Variants in PTPRD observed in about 807,000 individuals in gnomAD.
PTPRD encodes protein tyrosine phosphatase receptor type D.
A neutral mutation model predicts 214.5 loss-of-function variants in PTPRD; 34 were observed. The ratio of observed to expected loss-of-function variants is 0.16; its 90% confidence interval spans 0.12 to 0.21. The LOEUF is 0.21. Ranked by LOEUF, PTPRD falls within the 10% of genes least tolerant of loss-of-function variation. PTPRD has a pLI of 1.00. For missense variants in PTPRD, 2,545 were observed against 2,398.7 expected (o/e 1.06, Z -1.27); for synonymous variants, 1,128 against 845.7 (o/e 1.33, Z -5.79).
At chr9:8,493,991 CACACACAGACACACAG>C (rs573717068) in intron 26 of PTPRD, among the ~76,000 whole-genome samples, 171 of 149,590 alleles carry the variant, frequency 1.1e-3, no homozygotes, top group African/African-American at 4.2e-3. Flanking sequence ...CACACACAGA[CACACACAGACACACAG>C]ACACACACAC....
At chr9:9,802,112 T>C (rs1598269628) in intron 5 of PTPRD, among the ~76,000 whole-genome samples, 1 of 152,050 alleles carries the variant, frequency 6.6e-6, no homozygotes, top group African/African-American at 2.4e-5. Context: ...TATTAGAATA[T>C]TGTGTTTCAT....
intron 9 of PTPRD, among the ~76,000 whole-genome samples, chr9:9,350,313 G>T (rs2050625049): frequency 6.6e-6 from 1 of 152,062 alleles, no homozygotes; most frequent in Non-Finnish European, 1.5e-5. Context: ...TCTTATAGGT[G>T]CAGAGGTATG....
intron 2 of PTPRD, among the ~76,000 whole-genome samples, chr9:10,386,273 C>A (rs1242049941): frequency 6.6e-6 from 1 of 151,874 alleles, no homozygotes; most frequent in Non-Finnish European, 1.5e-5. Flanking sequence ...ACATATTTTT[C>A]TGTAGAAACA....
chr9:10,582,483 T>C (rs1021318361), intron 2 of PTPRD, among the ~76,000 whole-genome samples: 2 of 152,214 alleles, frequency 1.3e-5, no homozygotes, highest in African/African-American at 2.4e-5. Context: ...TTCTACTTTA[T>C]CCATATTATA....
At chr9:10,370,320 T>C (rs1032703999) in intron 2 of PTPRD, among the ~76,000 whole-genome samples, 1 of 152,204 alleles carries the variant, frequency 6.6e-6, no homozygotes, top group South Asian at 2.1e-4. Context: ...TTAACTGTGC[T>C]TTACTAAAAT....
intron 7 of PTPRD, among the ~76,000 whole-genome samples, chr9:9,652,610 T>C (rs985789931): frequency 1.3e-5 from 2 of 151,836 alleles, no homozygotes; most frequent in African/African-American, 4.8e-5. Context: ...TATAAAATAA[T>C]ATACCACTTT....
chr9:10,203,582 C>T (rs909064382), intron 3 of PTPRD, among the ~76,000 whole-genome samples: 1 of 152,262 alleles, frequency 6.6e-6, no homozygotes, highest in South Asian at 2.1e-4. Context: ...TAGCCATCTG[C>T]TCACAGACAA....
chr9:9,655,576 AAACCAAACC>A (rs1319840315), intron 7 of PTPRD, among the ~76,000 whole-genome samples: 37 of 118,468 alleles, frequency 3.1e-4, no homozygotes, highest in Admixed American at 4.7e-4. Flanking sequence ...CTCAAAGGGA[AAACCAAACC>A]AAACCAAACC....
intron 7 of PTPRD, among the ~76,000 whole-genome samples, chr9:9,701,650 A>T (rs1033816340): frequency 4.6e-5 from 7 of 152,234 alleles, no homozygotes; most frequent in African/African-American, 1.7e-4. Flanking sequence ...AGAGGAAAAT[A>T]GACAGTACTT....
At chr9:9,423,149 A>G (rs2079458677) in intron 8 of PTPRD, among the ~76,000 whole-genome samples, 1 of 152,164 alleles carries the variant, frequency 6.6e-6, no homozygotes, top group Admixed American at 6.6e-5. Flanking sequence ...TCTTCTCTGT[A>G]GCTTCTACAG....
chr9:9,431,582 C>T (rs1474581502), intron 8 of PTPRD, among the ~76,000 whole-genome samples: 1 of 152,064 alleles, frequency 6.6e-6, no homozygotes, highest in Non-Finnish European at 1.5e-5. Context: ...ATAAATCATG[C>T]TACTATAAAG....
intron 2 of PTPRD, among the ~76,000 whole-genome samples, chr9:10,367,494 C>T (rs898965896): frequency 6.6e-6 from 1 of 152,028 alleles, no homozygotes. Context: ...AACACAAATA[C>T]TTGAGTAAAA....
Position 9,272,280 on chromosome 9 carries a change from A to G in PTPRD, c.-202-88917T>C, listed in dbSNP as rs982769219. Reference sequence around the variant, plus strand: ...CACTGAGAGATTGATATGCAGGCACACTTTAATTTTAAATGTCGGAATTAG... The same window carrying G: ...CACTGAGAGATTGATATGCAGGCACGCTTTAATTTTAAATGTCGGAATTAG... On this transcript the variant is annotated intron_variant, in intron 9 of 45. Coordinates refer to ENST00000381196, the MANE Select transcript of PTPRD (RefSeq NM_002839.4). Among the ~76,000 whole-genome samples, 6 of 151,294 alleles carry G rather than the reference A, an allele frequency of 4.0e-5. No homozygotes were observed. In the East Asian group the frequency reaches 1.2e-3, roughly 30 times the overall value.
intron 3 of PTPRD, among the ~76,000 whole-genome samples, chr9:10,271,499 G>C (rs181062961): frequency 6.7e-6 from 1 of 149,654 alleles, no homozygotes; most frequent in South Asian, 2.1e-4. Flanking sequence ...AAATTAATAA[G>C]CATCACTAAC....
At position 9,121,946 on chromosome 9, in the gene PTPRD, G is replaced by C. The variant is rs541674465; in HGVS notation, c.-143+61358C>G. On this transcript the variant is annotated intron_variant, in intron 10 of 45. Transcript: ENST00000381196. Reference sequence around the variant, plus strand: ...CTCTAAAGAGTTTTGTAGTCTACAAGCCCAAGAAAAGTTTAATGAGCATCA... The same window carrying C: ...CTCTAAAGAGTTTTGTAGTCTACAACCCCAAGAAAAGTTTAATGAGCATCA... 3.9e-5 allele frequency among the ~76,000 whole-genome samples: 6 copies of C among 152,250 alleles called. No homozygotes were observed. The South Asian group carries it at 1.2e-3, about 32-fold the overall frequency.
chr9:9,503,465 G>C (rs193030150), intron 8 of PTPRD, among the ~76,000 whole-genome samples: 2 of 151,368 alleles, frequency 1.3e-5, no homozygotes, highest in East Asian at 3.9e-4. Context: ...GGTTCAAATG[G>C]GCGCTCAAGT....
At chr9:8,893,235 A>C (rs1292185861) in intron 11 of PTPRD, among the ~76,000 whole-genome samples, 2 of 152,184 alleles carry the variant, frequency 1.3e-5, no homozygotes, top group Non-Finnish European at 2.9e-5. Flanking sequence ...GTTCCTGGAG[A>C]TAATAAGGAA....
At chr9:9,434,325 A>G (rs529975071) in intron 8 of PTPRD, among the ~76,000 whole-genome samples, 1 of 152,298 alleles carries the variant, frequency 6.6e-6, no homozygotes, top group South Asian at 2.1e-4. Context: ...AAGTATCTCT[A>G]CACTGAAAAC....
chr9:8,962,625 C>T (rs574736613), intron 11 of PTPRD, among the ~76,000 whole-genome samples: 26 of 152,132 alleles, frequency 1.7e-4, no homozygotes, highest in African/African-American at 6.3e-4. Flanking sequence ...TGATTTATCA[C>T]TTAATTACAA....
Sources: allele counts gnomAD v4.1 joint callset (sites outside exome capture counted in the v4.1 genomes callset), GRCh38; gene constraint gnomAD v4.1.1; transcripts MANE v1.5; gene names NCBI Gene and HGNC (gene_info 2026-07-23, HGNC 2026-07-21).